The following MORC1 variants were observed in gnomAD, a reference collection of about 807,000 sequenced individuals.
MORC1 encodes MORC family CW-type zinc finger 1, also known as MORC family CW-type zinc finger protein 1.
Under a neutral mutation model 134.9 loss-of-function variants are expected in MORC1, and 59 were observed. The observed-to-expected ratio is 0.44, with a 90% CI of 0.35 to 0.54. The LOEUF is 0.54. Ranked by LOEUF, MORC1 falls within the 20% of genes least tolerant of loss-of-function variation. MORC1 has a pLI of 0.00. For synonymous variants in MORC1, 395 were observed against 391.7 expected, an observed-to-expected ratio of 1.01 and a Z score of -0.10; for missense variants, 947 against 1,134.5, an observed-to-expected ratio of 0.83 and a Z score of 2.37.
intron 20 of MORC1, 119 bp downstream of exon 20, chr3:109,004,698 T>C: frequency 1.1e-6 from 1 of 933,074 alleles, no homozygotes; most frequent in East Asian, 2.5e-5. Flanking sequence ...AGGGTAACAA[T>C]ATGTATGATT....
At position 109,059,836 on chromosome 3, in the gene MORC1, G is replaced by A; in HGVS notation, c.1001C>T (p.Ala334Val). 1 of 1,612,288 alleles carries A rather than the reference G, an allele frequency of 6.2e-7. No homozygotes were observed. Among genetic ancestry groups the A allele is most frequent in the Non-Finnish European group, 8.5e-7 (1 of 1,179,182 alleles). ...VLQRALEDVE[A>V]KQKNLKEKQR... ...TTTCTCTTTAAGATTCTTTTGCTTT[G>A]CTTCTACATCTTCCAAAGCTCTCTG... is the stretch of plus-strand genomic sequence containing the variant. The change falls in exon 12 of 28, where the codon GCA becomes GTA. Residue 334 changes from alanine to valine, a missense_variant. Coordinates refer to ENST00000232603, the MANE Select transcript of MORC1 (RefSeq NM_014429.4).
intron 23 of MORC1, among the ~76,000 whole-genome samples, chr3:108,980,194 T>C (rs1947674659): frequency 6.6e-6 from 1 of 152,176 alleles, no homozygotes; most frequent in Non-Finnish European, 1.5e-5. Flanking sequence ...GAAATACAAT[T>C]ATAACCTTTT....
At position 109,065,932 on chromosome 3, in the gene MORC1, C is replaced by T. The variant is rs564793085; in HGVS notation, c.816-2701G>A. Among the ~76,000 whole-genome samples the T allele has an allele frequency of 2.6e-5, 4 of 152,268 alleles. No individual in the cohort carries two copies. In the South Asian group the frequency reaches 6.2e-4, roughly 24 times the overall value. On this transcript the variant is annotated intron_variant, in intron 9 of 27. Coordinates refer to ENST00000232603, the MANE Select transcript of MORC1 (RefSeq NM_014429.4). ...CACAGAAACAGAAAAACAAGTACCT[C>T]ATAGTCCCATTTATAAGTGGGAGCT...
chr3:109,118,085 C>G lies in MORC1; in HGVS notation c.-26G>C. ...GCCCTCGAACACGACCCGCGCAACT[C>G]AAGGGGACAAGGACACCTGACCGGC... is the stretch of plus-strand genomic sequence containing the variant. On this transcript the variant is annotated 5_prime_UTR_variant, in exon 1 of 28. Transcript: ENST00000232603. The G allele has an allele frequency of 6.3e-7, 1 of 1,596,104 alleles. No homozygotes were observed. Among genetic ancestry groups the G allele is most frequent in the East Asian group, 2.3e-5 (1 of 44,020 alleles).
At chr3:109,080,266 T>C (rs896707816) in intron 8 of MORC1, among the ~76,000 whole-genome samples, 2 of 152,166 alleles carry the variant, frequency 1.3e-5, no homozygotes, top group African/African-American at 4.8e-5. Context: ...AGTCACGTCT[T>C]ACATGGATGG....
intron 8 of MORC1, among the ~76,000 whole-genome samples, chr3:109,082,212 T>C (rs1459709858): frequency 6.6e-6 from 1 of 150,770 alleles, no homozygotes; most frequent in Non-Finnish European, 1.5e-5. Flanking sequence ...TAGCACCACC[T>C]AGTGCCGAAA....
intron 2 of MORC1, among the ~76,000 whole-genome samples, chr3:109,111,518 A>C (rs1951169433): frequency 6.6e-6 from 1 of 152,242 alleles, no homozygotes; most frequent in South Asian, 2.1e-4. Context: ...ATTTTCTAAA[A>C]TTCACAGATA....
At chr3:109,066,181 A>T (rs1351219029) in intron 9 of MORC1, among the ~76,000 whole-genome samples, 4 of 152,052 alleles carry the variant, frequency 2.6e-5, no homozygotes, top group Non-Finnish European at 4.4e-5. Flanking sequence ...GTTGAAATTT[A>T]AAAAAAAGAA....
intron 17 of MORC1, among the ~76,000 whole-genome samples, chr3:109,026,636 A>G (rs1949080231): frequency 6.6e-6 from 1 of 152,240 alleles, no homozygotes; most frequent in Non-Finnish European, 1.5e-5. Flanking sequence ...TGTGGTAAAT[A>G]AGAAACAAAA....
intron 8 of MORC1, among the ~76,000 whole-genome samples, chr3:109,089,428 G>C (rs1449689419): frequency 6.6e-6 from 1 of 152,042 alleles, no homozygotes; most frequent in Non-Finnish European, 1.5e-5. Flanking sequence ...AGGAGGTCAT[G>C]ATGGGCAGTG....
chr3:109,060,205 C>T (rs1324923225), intron 11 of MORC1, among the ~76,000 whole-genome samples: 2 of 151,190 alleles, frequency 1.3e-5, no homozygotes, highest in Non-Finnish European at 2.9e-5. Context: ...CAGGCTCTGA[C>T]TTTTGTTTGT....
intron 20 of MORC1, among the ~76,000 whole-genome samples, chr3:109,003,897 A>G (rs7620936): frequency 0.42 from 64,192 of 151,936 alleles, 14,271 homozygotes; most frequent in Middle Eastern, 0.56. Context: ...AAGGATTTTT[A>G]CTAAAGATTT....
At chr3:108,977,070 A>C (rs1947583832) in intron 24 of MORC1, among the ~76,000 whole-genome samples, 1 of 152,228 alleles carries the variant, frequency 6.6e-6, no homozygotes, top group African/African-American at 2.4e-5. Flanking sequence ...CAACACACTC[A>C]GACAGGTCTC....
intron 21 of MORC1, among the ~76,000 whole-genome samples, chr3:108,989,844 C>T (rs759967454): frequency 1.5e-4 from 23 of 152,132 alleles, no homozygotes; most frequent in Non-Finnish European, 2.9e-4. Flanking sequence ...GATACTACCA[C>T]GGCGAAAAGT....
intron 12 of MORC1, among the ~76,000 whole-genome samples, 155 bp downstream of exon 12, chr3:109,059,651 T>C (rs1950035644): frequency 6.6e-6 from 1 of 152,192 alleles, no homozygotes; most frequent in Non-Finnish European, 1.5e-5. Context: ...CTTATCTTGG[T>C]TGTGGGAACT....
intron 17 of MORC1, among the ~76,000 whole-genome samples, chr3:109,009,040 T>C (rs1948617892): frequency 6.6e-6 from 1 of 152,142 alleles, no homozygotes; most frequent in African/African-American, 2.4e-5. Flanking sequence ...GTCACATTTG[T>C]TTTAGGCTTT....
rs532510183 is a variant in MORC1 at position 109,079,372 on chromosome 3, T to C, written c.690-9615A>G. ...AGGAGAAAAACAAAACTAAATCACTTCAACAGATGTCAAAAAGCATTAAAA... is the reference window on the plus strand; with the variant it reads ...AGGAGAAAAACAAAACTAAATCACTCCAACAGATGTCAAAAAGCATTAAAA... On this transcript the variant is annotated intron_variant, in intron 8 of 27. Transcript: ENST00000232603. Among the ~76,000 whole-genome samples the C allele has an allele frequency of 8.6e-5, 13 of 152,044 alleles. No homozygotes were observed. In the East Asian group the frequency reaches 2.5e-3, roughly 29 times the overall value.
intron 8 of MORC1, among the ~76,000 whole-genome samples, chr3:109,072,258 T>A (rs75500576): frequency 0.032 from 4,905 of 152,276 alleles, 254 homozygotes; most frequent in African/African-American, 0.11. Flanking sequence ...TCTCCAGCCA[T>A]GCAATCAGGC....
At chr3:108,961,432 C>A (rs573717527) in intron 27 of MORC1, among the ~76,000 whole-genome samples, 1 of 152,306 alleles carries the variant, frequency 6.6e-6, no homozygotes, top group East Asian at 1.9e-4. Context: ...GATATAATCT[C>A]ATCTTTTGGC....
Sources: allele counts gnomAD v4.1 joint callset (sites outside exome capture counted in the v4.1 genomes callset), GRCh38; gene constraint gnomAD v4.1.1; transcripts MANE v1.5; gene names NCBI Gene and HGNC (gene_info 2026-07-23, HGNC 2026-07-21).